Variants in GBF1 observed in about 807,000 individuals in gnomAD.
The protein encoded by GBF1 is Golgi-specific brefeldin A-resistance guanine nucleotide exchange factor 1.
Under a neutral mutation model 210.5 loss-of-function variants are expected in GBF1, and 114 were observed. The ratio of observed to expected loss-of-function variants is 0.54; its 90% confidence interval spans 0.47 to 0.63. The LOEUF (loss-of-function observed/expected upper bound fraction) is 0.63. Ranked by LOEUF, GBF1 falls within the 30% of genes least tolerant of loss-of-function variation. The probability of loss-of-function intolerance (pLI) is 0.00; values close to 1 mark genes in which losing one functional copy is unlikely to be tolerated. For missense variants in GBF1, 1,851 were observed against 2,357.7 expected (o/e 0.79, Z 4.45); for synonymous variants, 850 against 889.2 (o/e 0.96, Z 0.78).
intron 3 of GBF1, among the ~76,000 whole-genome samples, chr10:102,272,129 C>T (rs979099482): frequency 1.3e-5 from 2 of 149,380 alleles, no homozygotes; most frequent in Non-Finnish European, 3.0e-5. Flanking sequence ...TTTTTTTAGA[C>T]GGAGTCTTGC....
Position 102,366,316 on chromosome 10 carries a change from T to C in GBF1, c.2310-67T>C. Reference sequence around the variant, plus strand: ...CAGTAAGAGTAGGTTAGGAGGACAGTGACTAAAAGAGCCTGACATGTGCAG... The same window carrying C: ...CAGTAAGAGTAGGTTAGGAGGACAGCGACTAAAAGAGCCTGACATGTGCAG... On this transcript the variant is annotated intron_variant, in intron 18 of 39. Coordinates refer to ENST00000369983, the MANE Select transcript of GBF1 (RefSeq NM_001377137.1). The surrounding 1 kb of genome is among the most constrained non-coding windows in gnomAD (Gnocchi z 4.0). 3.2e-6 allele frequency: 5 copies of C among 1,580,196 alleles called. No homozygotes were observed. Among genetic ancestry groups the C allele is most frequent in the Admixed American group, 1.7e-5 (1 of 59,242 alleles).
chr10:102,288,335 G>C (rs1476741192), intron 3 of GBF1, among the ~76,000 whole-genome samples: 1 of 70,202 alleles, frequency 1.4e-5, no homozygotes, highest in Non-Finnish European at 3.8e-5. Flanking sequence ...GATATATAAT[G>C]ATATAATGAT....
chr10:102,354,666 A>G (rs1012270784), intron 8 of GBF1, among the ~76,000 whole-genome samples: 3 of 152,180 alleles, frequency 2.0e-5, no homozygotes, highest in African/African-American at 7.2e-5. Context: ...TTGCCTGGAT[A>G]CAGGAGAAGG....
At chr10:102,237,108 A>C in the GBF1 span, among the ~76,000 whole-genome samples, 4 of 152,110 alleles carry the variant, frequency 2.6e-5, no homozygotes, top group Non-Finnish European at 5.9e-5. Context: ...AGCAAGTATT[A>C]GGTGTTAAGA....
At position 102,382,631 on chromosome 10, in the gene GBF1, C is replaced by T. The variant is rs1416112890; in HGVS notation, c.*295C>T. Reference sequence around the variant, plus strand: ...CAGCTCTGGGGAGGCATCCGTGTGCCGGCCCTGCAGTGCCTGCCCACGGTC... The same window carrying T: ...CAGCTCTGGGGAGGCATCCGTGTGCTGGCCCTGCAGTGCCTGCCCACGGTC... On this transcript the variant is annotated 3_prime_UTR_variant, in exon 40 of 40. Transcript: ENST00000369983. The T allele has an allele frequency of 1.3e-5, 5 of 372,246 alleles. No individual in the cohort carries two copies. The highest frequency in any genetic ancestry group is 8.7e-5 in the Admixed American group (2 of 22,896). The allele number at this position is 372,246 out of a possible 1,614,324, so 23.1% of individuals were successfully genotyped here. A position where few individuals can be genotyped will look rare whatever the true frequency, so the allele number is the denominator to read the frequency against.
At chr10:102,280,978 A>G (rs1183214413) in intron 3 of GBF1, among the ~76,000 whole-genome samples, 1 of 151,994 alleles carries the variant, frequency 6.6e-6, no homozygotes, top group Non-Finnish European at 1.5e-5. Context: ...TTTTTTTCCC[A>G]GGGCAGAGCA....
At chr10:102,271,322 C>T (rs1306146572) in intron 3 of GBF1, among the ~76,000 whole-genome samples, 2 of 152,146 alleles carry the variant, frequency 1.3e-5, no homozygotes, top group Non-Finnish European at 2.9e-5. Context: ...CAGGCGTGAG[C>T]CACCGCACCT....
chr10:102,382,153 GC>G lies in GBF1; in HGVS notation c.5402del (p.Pro1801LeufsTer9). On this transcript the variant is annotated frameshift_variant, in exon 40 of 40. Transcript: ENST00000369983. LOFTEE classifies it high-confidence loss of function. ...PSRLSPTPDG[P>X]PPLAQPPLIL... ...GCAGGCTGAGCCCCACCCCCGACGG[GC>G]CTCCACCCTTGGCTCAGCCCCCACT... The G allele has an allele frequency of 6.2e-7, 1 of 1,613,142 alleles. No individual in the cohort carries two copies. Among genetic ancestry groups the G allele is most frequent in the Non-Finnish European group, 8.5e-7 (1 of 1,179,408 alleles).
At position 102,260,134 on chromosome 10, in the gene GBF1, T is replaced by C; in HGVS notation, c.163+18T>C. The C allele has an allele frequency of 1.6e-6, 2 of 1,237,176 alleles. No individual in the cohort carries two copies. The highest frequency in any genetic ancestry group is 2.4e-6 in the Non-Finnish European group (2 of 845,866). 76.6% of individuals were successfully genotyped at this position (1,237,176 alleles called of 1,614,324 possible). A position where few individuals can be genotyped will look rare whatever the true frequency, so the allele number is the denominator to read the frequency against. The stretch of plus-strand genomic sequence containing the variant: ...TATAACAGGTAAGTCTCCATATGTA[T>C]GTGGATTACTAATCTTGGTAAAAAA... On this transcript the variant is annotated intron_variant, in intron 3 of 39. Coordinates refer to ENST00000369983, the MANE Select transcript of GBF1 (RefSeq NM_001377137.1).
chr10:102,311,059 TA>T (rs2078382413), intron 3 of GBF1, among the ~76,000 whole-genome samples: 1 of 152,212 alleles, frequency 6.6e-6, no homozygotes, highest in Non-Finnish European at 1.5e-5. Flanking sequence ...TACAGTGATA[TA>T]ACACAAGTAC....
intron 4 of GBF1, among the ~76,000 whole-genome samples, chr10:102,348,910 G>A (rs1208928076): frequency 6.6e-6 from 1 of 152,110 alleles, no homozygotes; most frequent in Non-Finnish European, 1.5e-5. Context: ...AGCACTTTGG[G>A]GGTCCAGGCA....
rs577946385 is a variant in GBF1, at chr10:102,367,792, A to T, written c.2642+232A>T. On this transcript the variant is annotated intron_variant, in intron 21 of 39. Coordinates refer to ENST00000369983, the MANE Select transcript of GBF1 (RefSeq NM_001377137.1). ...GTCCAAAGTGCTGCTCTTAAGTAGG[A>T]TATCATGGCCCCATTTTCTGAACTT... 2.6e-5 allele frequency among the ~76,000 whole-genome samples: 4 copies of T among 152,274 alleles called. No individual in the cohort carries two copies. The South Asian group carries it at 8.3e-4, about 32-fold the overall frequency.
intron 3 of GBF1, among the ~76,000 whole-genome samples, chr10:102,288,748 A>C (rs1294950777): frequency 2.0e-5 from 3 of 150,430 alleles, no homozygotes; most frequent in Non-Finnish European, 3.0e-5. Context: ...AAAAAAAAAA[A>C]CGAAATTACT....
chr10:102,255,631 C>T (rs183261324), intron 1 of GBF1, among the ~76,000 whole-genome samples: 18 of 152,274 alleles, frequency 1.2e-4, no homozygotes, highest in African/African-American at 4.1e-4. Flanking sequence ...TTCCAGAGAC[C>T]TAGAGCATAT....
chr10:102,330,366 A>C (rs2057242541), intron 3 of GBF1, among the ~76,000 whole-genome samples: 1 of 152,028 alleles, frequency 6.6e-6, no homozygotes. Context: ...AAATAAAATT[A>C]TATATGGTAA....
intron 39 of GBF1, 69 bp from the exon 40 acceptor site, chr10:102,381,987 C>A: frequency 1.5e-6 from 2 of 1,331,674 alleles, no homozygotes; most frequent in Non-Finnish European, 1.0e-6. Flanking sequence ...AAGCAGCCAG[C>A]TGGGCAATGT....
chr10:102,259,504 A>G (rs2072911803), intron 2 of GBF1, among the ~76,000 whole-genome samples: 1 of 152,178 alleles, frequency 6.6e-6, no homozygotes, highest in Non-Finnish European at 1.5e-5. Context: ...CCTGTTATAC[A>G]GTTGGCTTTC....
At chr10:102,372,220 A>G (rs1182728137) in intron 29 of GBF1, among the ~76,000 whole-genome samples, 1 of 150,622 alleles carries the variant, frequency 6.6e-6, no homozygotes, top group Non-Finnish European at 1.5e-5. Flanking sequence ...CAAAAAAAAA[A>G]AAAGACTTAC....
At chr10:102,277,911 G>A (rs2075138633) in intron 3 of GBF1, among the ~76,000 whole-genome samples, 1 of 151,736 alleles carries the variant, frequency 6.6e-6, no homozygotes, top group Non-Finnish European at 1.5e-5. Flanking sequence ...CCTTTAATCT[G>A]GGACCGTTCT....
Sources: allele counts gnomAD v4.1 joint callset (sites outside exome capture counted in the v4.1 genomes callset), GRCh38; gene constraint gnomAD v4.1.1; non-coding constraint Gnocchi (gnomAD v3.1); transcripts MANE v1.5; gene names NCBI Gene and HGNC (gene_info 2026-07-23, HGNC 2026-07-21).